Variants in RSU1 observed in about 807,000 individuals in gnomAD.
The protein encoded by RSU1 is Ras suppressor protein 1, also known as rsu-1.
A neutral mutation model predicts 31.1 loss-of-function variants in RSU1; 26 were observed. The ratio of observed to expected loss-of-function variants is 0.84; its 90% CI spans 0.61 to 1.16. The LOEUF is 1.16. Ranked by LOEUF, RSU1 falls within the 50% of genes most tolerant of loss-of-function variation. RSU1 has a pLI of 0.00. For synonymous variants in RSU1, 164 were observed against 136.3 expected, an observed-to-expected ratio of 1.20 and a Z score of -1.41; for missense variants, 320 against 339.1, an observed-to-expected ratio of 0.94 and a Z score of 0.44.
At chr10:16,788,929 G>A (rs1487387366) in intron 2 of RSU1, among the ~76,000 whole-genome samples, 3 of 152,308 alleles carry the variant, frequency 2.0e-5, no homozygotes, top group African/African-American at 7.2e-5. Flanking sequence ...CAGACAATTA[G>A]CAGTGTCTCA....
At chr10:16,741,354 C>A (rs1836746100) in intron 7 of RSU1, among the ~76,000 whole-genome samples, 1 of 151,990 alleles carries the variant, frequency 6.6e-6, no homozygotes, top group Non-Finnish European at 1.5e-5. Flanking sequence ...AACTATAAAA[C>A]CCTTAGGGCT....
At chr10:16,787,517 C>T (rs1837817188) in intron 2 of RSU1, among the ~76,000 whole-genome samples, 1 of 152,198 alleles carries the variant, frequency 6.6e-6, no homozygotes, top group Non-Finnish European at 1.5e-5. Context: ...TATGGTTAGG[C>T]TGCGTCCTCG....
intron 8 of RSU1, among the ~76,000 whole-genome samples, chr10:16,621,174 T>C (rs1321752558): frequency 2.6e-5 from 4 of 152,164 alleles, no homozygotes; most frequent in Admixed American, 1.3e-4. Flanking sequence ...TGGTTGTCAA[T>C]TGTCACACCT....
At chr10:16,734,951 G>A (rs1052368354) in intron 7 of RSU1, among the ~76,000 whole-genome samples, 2 of 152,224 alleles carry the variant, frequency 1.3e-5, no homozygotes, top group African/African-American at 4.8e-5. Context: ...AAGGCACAGT[G>A]AAGACACAGG....
intron 7 of RSU1, among the ~76,000 whole-genome samples, chr10:16,741,025 A>C (rs1836739814): frequency 6.6e-6 from 1 of 152,230 alleles, no homozygotes; most frequent in Non-Finnish European, 1.5e-5. Flanking sequence ...AAAAAGAATA[A>C]CAAAGTTGAA....
intron 3 of RSU1, among the ~76,000 whole-genome samples, chr10:16,775,921 G>A (rs951999582): frequency 7.2e-5 from 11 of 152,110 alleles, no homozygotes; most frequent in African/African-American, 2.4e-4. Flanking sequence ...GTTAAAATGC[G>A]AACAGCAAGT....
chr10:16,607,498 G>A (rs2131464774), intron 8 of RSU1, among the ~76,000 whole-genome samples: 1 of 152,290 alleles, frequency 6.6e-6, no homozygotes. Context: ...CACTAGCAGG[G>A]TGATTTGCAT....
intron 2 of RSU1, among the ~76,000 whole-genome samples, chr10:16,801,416 G>A (rs1838153504): frequency 6.6e-6 from 1 of 152,122 alleles, no homozygotes; most frequent in Non-Finnish European, 1.5e-5. Flanking sequence ...AATGCAAAGA[G>A]AAAGAAACAA....
At chr10:16,763,371 G>C (rs764510558) in intron 4 of RSU1, among the ~76,000 whole-genome samples, 3 of 152,162 alleles carry the variant, frequency 2.0e-5, no homozygotes, top group Non-Finnish European at 2.9e-5. Flanking sequence ...ACTCATGGTG[G>C]AAGGCAATGC....
chr10:16,756,506 C>A (rs561072245), intron 4 of RSU1, among the ~76,000 whole-genome samples: 2 of 152,186 alleles, frequency 1.3e-5, no homozygotes, highest in Non-Finnish European at 2.9e-5. Flanking sequence ...GGACGAAGAC[C>A]TTTAAGATGA....
intron 8 of RSU1, among the ~76,000 whole-genome samples, chr10:16,673,928 T>C (rs1462120093): frequency 1.3e-5 from 2 of 152,166 alleles, no homozygotes; most frequent in Non-Finnish European, 1.5e-5. Flanking sequence ...TTCAAGCAAT[T>C]ACTATAGTTC....
intron 8 of RSU1, among the ~76,000 whole-genome samples, chr10:16,599,864 C>A (rs1160488815): frequency 7.2e-6 from 1 of 139,598 alleles, no homozygotes; most frequent in African/African-American, 2.7e-5. Flanking sequence ...TCGGCGGGCA[C>A]TGCCACTCGG....
chr10:16,618,136 G>A (rs1027238570), intron 8 of RSU1, among the ~76,000 whole-genome samples: 2 of 151,996 alleles, frequency 1.3e-5, no homozygotes, highest in Non-Finnish European at 2.9e-5. Flanking sequence ...AAATTTACAA[G>A]AAGAAAACAA....
At position 16,645,948 on chromosome 10, in the gene RSU1, GTGTATATACATATA is replaced by G. The variant is rs1834548897; in HGVS notation, c.731+49061_731+49074del. On this transcript the variant is annotated intron_variant, in intron 8 of 8. Coordinates refer to ENST00000345264, the MANE Select transcript of RSU1 (RefSeq NM_012425.4). ...TATATACACATATGTGTATATATAT[GTGTATATACATATA>G]TGTGTATATATATGTGTATATACAT... Among the ~76,000 whole-genome samples the G allele has an allele frequency of 1.3e-4, 5 of 37,294 alleles. 1 individual carries two copies. Among genetic ancestry groups the G allele is most frequent in the Non-Finnish European group, 2.0e-4 (4 of 20,152 alleles). The allele number at this position is 37,294 out of a possible 152,430, so 24.5% of individuals were successfully genotyped here. A position where few individuals can be genotyped will look rare whatever the true frequency, so the allele number is the denominator to read the frequency against.
At chr10:16,775,794 TA>T (rs1168886281) in intron 3 of RSU1, among the ~76,000 whole-genome samples, 1 of 152,226 alleles carries the variant, frequency 6.6e-6, no homozygotes, top group Admixed American at 6.5e-5. Context: ...ATACTATGCA[TA>T]TTTTTTTAAC....
intron 7 of RSU1, among the ~76,000 whole-genome samples, chr10:16,749,720 T>C (rs992911472): frequency 6.6e-6 from 1 of 152,198 alleles, no homozygotes; most frequent in African/African-American, 2.4e-5. Context: ...CAATTTGTCT[T>C]GCAGAGGCCA....
chr10:16,666,604 T>C (rs188009130), intron 8 of RSU1, among the ~76,000 whole-genome samples: 1 of 152,216 alleles, frequency 6.6e-6, no homozygotes, highest in Non-Finnish European at 1.5e-5. Flanking sequence ...AAAACTATTA[T>C]AACAAGTTTG....
At chr10:16,621,095 C>T (rs1834061111) in intron 8 of RSU1, among the ~76,000 whole-genome samples, 1 of 152,188 alleles carries the variant, frequency 6.6e-6, no homozygotes, top group Non-Finnish European at 1.5e-5. Flanking sequence ...ATTTGTGACA[C>T]AGGCACAGTA....
rs542195657 is a variant in RSU1 at position 16,701,198 on chromosome 10, G to A, written c.599-6043C>T. 3.9e-5 allele frequency among the ~76,000 whole-genome samples: 6 copies of A among 152,254 alleles called. No individual in the cohort carries two copies. In the South Asian group the frequency reaches 1.2e-3, roughly 32 times the overall value. On this transcript the variant is annotated intron_variant, in intron 7 of 8. Transcript: ENST00000345264. ...GATTAAAGTACATTGAAAGGGAATGGTCAAAAACAAATTAAAAGCACATGG... is the reference window on the plus strand; with the variant it reads ...GATTAAAGTACATTGAAAGGGAATGATCAAAAACAAATTAAAAGCACATGG...
Sources: allele counts gnomAD v4.1 joint callset (sites outside exome capture counted in the v4.1 genomes callset), GRCh38; gene constraint gnomAD v4.1.1; transcripts MANE v1.5; gene names NCBI Gene and HGNC (gene_info 2026-07-23, HGNC 2026-07-21).